The following SEPTIN6 variants were observed in gnomAD, a reference collection of about 807,000 sequenced individuals.
The protein encoded by SEPTIN6 is septin-6.
SEPTIN6 carries 8 observed loss-of-function variants against 33.6 expected under a neutral mutation model. That is an observed-to-expected ratio of 0.24 (90% CI 0.14 to 0.43). The LOEUF is 0.43. Among genes scored for constraint, SEPTIN6 ranks in the 20% least tolerant of loss-of-function variants. The pLI, the probability that SEPTIN6 is intolerant of heterozygous loss-of-function variation, is 1.00. For synonymous variants in SEPTIN6, 131 were observed against 140.0 expected (o/e 0.94, Z 0.45); for missense variants, 250 against 340.8 (o/e 0.73, Z 2.10).
Position 119,663,606 on chromosome X carries a change from T to C in SEPTIN6, c.217A>G (p.Thr73Ala), listed in dbSNP as rs757029176. Residue 73 changes from threonine (T) to alanine (A), a missense_variant, in exon 3 of 11, where the codon ACC becomes GCC. By Grantham distance (58) the Thr-to-Ala change is moderately conservative. Transcript: ENST00000394610. Reference sequence around the variant, plus strand: ...AGCTGGACACCCGGCTGTGTGTGGGTGGCTGGCTCCCCTTCGAATTTGGTG... The same window carrying C: ...AGCTGGACACCCGGCTGTGTGTGGGCGGCTGGCTCCCCTTCGAATTTGGTG... ...FNTKFEGEPA[T>A]HTQPGVQLQS... 64 of 1,208,362 alleles carry C rather than the reference T, an allele frequency of 5.3e-5. No homozygotes were observed. In the South Asian group the frequency reaches 1.1e-3, roughly 20 times the overall value.
At chrX:119,680,875 G>A (rs1285181324) in intron 1 of SEPTIN6, among the ~76,000 whole-genome samples, 2 of 108,149 alleles carry the variant, frequency 1.8e-5, no homozygotes, top group African/African-American at 6.8e-5. Context: ...CAGCCACTCG[G>A]GAGGCTGAGT....
At chrX:119,650,458 T>TA (rs36088085) in intron 4 of SEPTIN6, among the ~76,000 whole-genome samples, 29,010 of 111,185 alleles carry the variant, frequency 0.26, 4,688 homozygotes, top group African/African-American at 0.6. Flanking sequence ...GCCTTATTCC[T>TA]AAGTCCATAG....
intron 9 of SEPTIN6, chrX:119,628,945 C>T (rs1435091028): frequency 1.4e-5 from 2 of 139,128 alleles, no homozygotes; most frequent in Non-Finnish European, 1.4e-5. Flanking sequence ...CCACCGTGCC[C>T]GGCCTTGTTC....
At chrX:119,645,689 G>A (rs377464495) in intron 5 of SEPTIN6, among the ~76,000 whole-genome samples, 2 of 111,108 alleles carry the variant, frequency 1.8e-5, no homozygotes, top group African/African-American at 6.5e-5. Context: ...GAGCCACTGC[G>A]CCTGGTAATT....
intron 3 of SEPTIN6, 34 bp downstream of exon 3, chrX:119,663,448 T>TGGCCCC: frequency 2.7e-6 from 2 of 751,153 alleles, no homozygotes; most frequent in Non-Finnish European, 4.0e-6. Context: ...TCTACCAACC[T>TGGCCCC]CCCCACCCTA....
At chrX:119,625,529 T>G in intron 9 of SEPTIN6, 150 bp from the exon 10 acceptor site, 1 of 457,388 alleles carries the variant, frequency 2.2e-6, no homozygotes, top group South Asian at 3.5e-5. Context: ...TAGGAACCCC[T>G]GAAACACTGA....
chrX:119,680,126 T>C (rs2054925373), intron 1 of SEPTIN6, among the ~76,000 whole-genome samples: 1 of 111,494 alleles, frequency 9.0e-6, no homozygotes, highest in South Asian at 3.7e-4. Flanking sequence ...TTTTAGAACA[T>C]ACAGATAATA....
Position 119,633,480 on chromosome X carries a change from T to C in SEPTIN6, c.969A>G (p.Thr323=), listed in dbSNP as rs762653474. 2.5e-6 allele frequency: 3 copies of C among 1,205,118 alleles called. No individual in the cohort carries two copies. Among genetic ancestry groups the C allele is most frequent in the Non-Finnish European group, 3.4e-6 (3 of 892,486 alleles). Residue 323 remains threonine, a synonymous_variant, in exon 8 of 11, where the codon ACA becomes ACG. Transcript: ENST00000394610. ...GGAACTCGTTCCTTTTGGCCTCATA[T>C]GTCTCCTGTAAACTGCGAACATGGT... ...PDSKPFSLQE[T]YEAKRNEFLG...
intron 3 of SEPTIN6, 77 bp downstream of exon 3, chrX:119,663,405 A>G: frequency 2.2e-6 from 2 of 899,671 alleles, no homozygotes; most frequent in Non-Finnish European, 3.1e-6. Context: ...TGCTGTCTTC[A>G]AGATCTCTGT....
At position 119,617,442 on chromosome X, in the gene SEPTIN6, C is replaced by G; in HGVS notation, c.*2651G>C. 5.0e-6 allele frequency: 4 copies of G among 803,896 alleles called. No homozygotes were observed. Among genetic ancestry groups the G allele is most frequent in the Non-Finnish European group, 6.0e-6 (4 of 669,855 alleles). 66.3% of individuals were successfully genotyped at this position (803,896 alleles called of 1,213,427 possible). A position where few individuals can be genotyped will look rare whatever the true frequency, so the allele number is the denominator to read the frequency against. On this transcript the variant is annotated 3_prime_UTR_variant, in exon 11 of 11. Transcript: ENST00000394610. Reference sequence around the variant, plus strand: ...TGATTATAAGGGTCACCTAGGGCACCTGTTACACACAGTCTCCTGGACCCC... The same window carrying G: ...TGATTATAAGGGTCACCTAGGGCACGTGTTACACACAGTCTCCTGGACCCC...
chrX:119,641,732 C>G (rs1000345570), intron 5 of SEPTIN6, among the ~76,000 whole-genome samples: 2 of 112,147 alleles, frequency 1.8e-5, no homozygotes, highest in Non-Finnish European at 3.8e-5. Flanking sequence ...CTCACAGAGC[C>G]GTAATCCACA....
At chrX:119,687,423 T>TG (rs2055077643) in intron 1 of SEPTIN6, among the ~76,000 whole-genome samples, 1 of 109,885 alleles carries the variant, frequency 9.1e-6, no homozygotes, top group Admixed American at 9.8e-5. Flanking sequence ...GCTAATTTTT[T>TG]AATTTTTAGT....
intron 2 of SEPTIN6, among the ~76,000 whole-genome samples, chrX:119,667,416 G>A (rs2054661340): frequency 9.0e-6 from 1 of 111,529 alleles, no homozygotes; most frequent in Non-Finnish European, 1.9e-5. Flanking sequence ...CCAAATGCCT[G>A]CTGGCACAAA....
chrX:119,664,933 A>G (rs1255498830), intron 2 of SEPTIN6, among the ~76,000 whole-genome samples: 1 of 108,606 alleles, frequency 9.2e-6, no homozygotes, highest in Non-Finnish European at 1.9e-5. Flanking sequence ...AGGCCTAAAC[A>G]GCCCTCTGGG....
Position 119,619,011 on chromosome X carries a change from A to G in SEPTIN6, c.*1082T>C. 1 of 974,832 alleles carries G rather than the reference A, an allele frequency of 1.0e-6. No homozygotes were observed. Among genetic ancestry groups the G allele is most frequent in the Non-Finnish European group, 1.3e-6 (1 of 775,261 alleles). The allele number at this position is 974,832 out of a possible 1,213,427, so 80.3% of individuals were successfully genotyped here. A position where few individuals can be genotyped will look rare whatever the true frequency, so the allele number is the denominator to read the frequency against. On this transcript the variant is annotated 3_prime_UTR_variant, in exon 11 of 11. Transcript: ENST00000394610. ...TTAAACTCTCAACTCCTTAAATTGG[A>G]AAGAAAGTTAAGGGCCTTTTCTTCT...
intron 4 of SEPTIN6, among the ~76,000 whole-genome samples, chrX:119,651,771 C>T (rs2054355968): frequency 8.9e-6 from 1 of 112,732 alleles, no homozygotes; most frequent in Admixed American, 9.4e-5. Context: ...ACCAATGCCC[C>T]TATACAGGAC....
At chrX:119,668,458 G>A (rs2147601923) in intron 2 of SEPTIN6, among the ~76,000 whole-genome samples, 1 of 112,299 alleles carries the variant, frequency 8.9e-6, no homozygotes. Context: ...TAAAATGAGA[G>A]CGTTGGTAAT....
rs76207560 is a variant in SEPTIN6 at position 119,620,003 on chromosome X, G to T, written c.*90C>A. ...TGTTAAGGGGGAAATTAGAGAAAGG[G>T]AGGCCCAGCTCTGTTGCGCAGGAAA... On this transcript the variant is annotated 3_prime_UTR_variant, in exon 11 of 11. Transcript: ENST00000394610. 452 of 1,203,555 alleles carry T rather than the reference G, an allele frequency of 3.8e-4. 3 individuals are homozygous for T. The East Asian group carries it at 0.012, about 32-fold the overall frequency.
chrX:119,625,805 C>A (rs2053848911), intron 9 of SEPTIN6, among the ~76,000 whole-genome samples: 1 of 111,837 alleles, frequency 8.9e-6, no homozygotes, highest in Non-Finnish European at 1.9e-5. Flanking sequence ...TTCGCCTTGG[C>A]CTCCCAAAGT....
Sources: gnomAD v4.1 joint callset for allele counts (sites outside exome capture counted in the v4.1 genomes callset) on GRCh38, gnomAD v4.1.1 for gene constraint, MANE v1.5 for transcripts, NCBI Gene and HGNC (gene_info 2026-07-23, HGNC 2026-07-21) for gene names.